The following CDKAL1 variants were observed in gnomAD, a reference collection of about 807,000 sequenced individuals.
CDKAL1 encodes the protein threonylcarbamoyladenosine tRNA methylthiotransferase.
CDKAL1 carries 32 observed loss-of-function variants against 68.2 expected under a neutral mutation model. The ratio of observed to expected loss-of-function variants is 0.47; its 90% CI spans 0.35 to 0.63. CDKAL1 has a LOEUF of 0.63. CDKAL1 is among the 30% of genes least tolerant of loss of function. The pLI is 0.00. For missense variants in CDKAL1, 606 were observed against 696.7 expected, an observed-to-expected ratio of 0.87 and a Z score of 1.47; for synonymous variants, 234 against 244.3, an observed-to-expected ratio of 0.96 and a Z score of 0.39.
At chr6:20,668,481 G>A (rs1367610791) in intron 5 of CDKAL1, among the ~76,000 whole-genome samples, 1 of 152,118 alleles carries the variant, frequency 6.6e-6, no homozygotes, top group East Asian at 1.9e-4. Flanking sequence ...ACAGGCATGT[G>A]CTACTGCGCC....
chr6:21,011,500 T>G (rs1311229459), intron 11 of CDKAL1, among the ~76,000 whole-genome samples: 2 of 152,250 alleles, frequency 1.3e-5, no homozygotes, highest in African/African-American at 4.8e-5. Flanking sequence ...TACTAGTATT[T>G]ATTGGTTATA....
At chr6:20,576,314 T>G (rs974370507) in intron 4 of CDKAL1, among the ~76,000 whole-genome samples, 3 of 152,228 alleles carry the variant, frequency 2.0e-5, no homozygotes, top group African/African-American at 7.2e-5. Flanking sequence ...AGCATGATAG[T>G]GACACCTATC....
chr6:20,546,080 G>A (rs917258702), intron 2 of CDKAL1, among the ~76,000 whole-genome samples: 1 of 152,158 alleles, frequency 6.6e-6, no homozygotes, highest in African/African-American at 2.4e-5. Flanking sequence ...ACTTGACATT[G>A]ATTTGTTGAA....
chr6:21,063,558 G>A (rs987185013), intron 11 of CDKAL1, among the ~76,000 whole-genome samples: 1 of 152,174 alleles, frequency 6.6e-6, no homozygotes. Flanking sequence ...CCGTGAATGA[G>A]AGTAATCAAC....
At chr6:20,990,254 A>T (rs2150794766) in intron 10 of CDKAL1, among the ~76,000 whole-genome samples, 1 of 152,350 alleles carries the variant, frequency 6.6e-6, no homozygotes, top group South Asian at 2.1e-4. Flanking sequence ...AAAATAAAAA[A>T]TAATGAAAAA....
chr6:20,966,652 A>G (rs1030593973), intron 10 of CDKAL1, among the ~76,000 whole-genome samples: 7 of 152,212 alleles, frequency 4.6e-5, no homozygotes, highest in Admixed American at 6.5e-5. Flanking sequence ...TACTATCAAT[A>G]TAACATTGAT....
chr6:20,866,429 A>G (rs925750641), intron 9 of CDKAL1, among the ~76,000 whole-genome samples: 2 of 152,212 alleles, frequency 1.3e-5, no homozygotes, highest in African/African-American at 4.8e-5. Flanking sequence ...TCTGTCAAAT[A>G]TCAAATACAC....
At chr6:20,674,394 G>T (rs905222020) in intron 5 of CDKAL1, among the ~76,000 whole-genome samples, 4 of 152,040 alleles carry the variant, frequency 2.6e-5, no homozygotes, top group Admixed American at 6.5e-5. Flanking sequence ...TATCTATTTT[G>T]TCATGTTAAG....
chr6:20,557,527 T>C (rs1240168980), intron 4 of CDKAL1, among the ~76,000 whole-genome samples: 1 of 152,180 alleles, frequency 6.6e-6, no homozygotes, highest in Non-Finnish European at 1.5e-5. Context: ...CAGATAATTT[T>C]CCAAGCTTTT....
chr6:20,837,726 T>G (rs904183897), intron 8 of CDKAL1, among the ~76,000 whole-genome samples: 9 of 145,972 alleles, frequency 6.2e-5, no homozygotes, highest in African/African-American at 2.2e-4. Context: ...CTAGCATAAA[T>G]TTGGCTTCAC....
At chr6:20,541,003 A>G (rs73386544) in intron 2 of CDKAL1, among the ~76,000 whole-genome samples, 100 of 152,330 alleles carry the variant, frequency 6.6e-4, no homozygotes, top group African/African-American at 2.2e-3. Flanking sequence ...AGATGAGCAG[A>G]GGAGACTGGA....
intron 12 of CDKAL1, among the ~76,000 whole-genome samples, chr6:21,098,076 G>C (rs1295957558): frequency 6.6e-6 from 1 of 152,168 alleles, no homozygotes; most frequent in Non-Finnish European, 1.5e-5. Flanking sequence ...CTTTCTTTCT[G>C]TCTCACTAGT....
Position 21,041,099 on chromosome 6 carries a change from T to C in CDKAL1, c.1056-23949T>C, listed in dbSNP as rs150961954. ...AACAAAATCTATATATGCATACCTT[T>C]TTCTTGCATTTGGTAGGAAGCTGTG... On this transcript the variant is annotated intron_variant, in intron 11 of 15. Coordinates refer to ENST00000274695, the MANE Select transcript of CDKAL1 (RefSeq NM_017774.3). Among the ~76,000 whole-genome samples the C allele has an allele frequency of 3.9e-5, 6 of 152,342 alleles. No individual in the cohort carries two copies. The East Asian group carries it at 7.7e-4, about 20-fold the overall frequency.
chr6:20,840,670 A>T (rs1376084829), intron 8 of CDKAL1, among the ~76,000 whole-genome samples: 1 of 152,158 alleles, frequency 6.6e-6, no homozygotes, highest in Non-Finnish European at 1.5e-5. Context: ...TCATTTTTCC[A>T]TTGCTTGTTG....
At chr6:20,867,381 G>T (rs543660186) in intron 9 of CDKAL1, among the ~76,000 whole-genome samples, 6 of 152,138 alleles carry the variant, frequency 3.9e-5, no homozygotes, top group Non-Finnish European at 1.5e-5. Context: ...CGGTTATTTT[G>T]ATTTTTGGTC....
At chr6:21,110,594 A>G (rs2150994556) in intron 13 of CDKAL1, among the ~76,000 whole-genome samples, 1 of 152,316 alleles carries the variant, frequency 6.6e-6, no homozygotes, top group East Asian at 1.9e-4. Context: ...TTCTGGCGTG[A>G]TCCTTATGAA....
At chr6:20,794,181 T>C (rs1776017928) in intron 8 of CDKAL1, among the ~76,000 whole-genome samples, 1 of 151,990 alleles carries the variant, frequency 6.6e-6, no homozygotes, top group Admixed American at 6.6e-5. Context: ...GCTTTTTCTT[T>C]TGAGCCCACA....
chr6:20,618,958 G>T (rs11966749), intron 4 of CDKAL1, among the ~76,000 whole-genome samples: 42,751 of 152,010 alleles, frequency 0.28, 6,555 homozygotes, highest in East Asian at 0.53. Flanking sequence ...GGATTACAGG[G>T]GTGAGCCATT....
intron 4 of CDKAL1, among the ~76,000 whole-genome samples, chr6:20,578,677 T>C (rs966791159): frequency 6.6e-6 from 1 of 152,202 alleles, no homozygotes; most frequent in Non-Finnish European, 1.5e-5. Context: ...ACACACATTA[T>C]CTTATTTAAT....
Sources: gnomAD v4.1 joint callset for allele counts (sites outside exome capture counted in the v4.1 genomes callset) on GRCh38, gnomAD v4.1.1 for gene constraint, MANE v1.5 for transcripts, NCBI Gene and HGNC (gene_info 2026-07-23, HGNC 2026-07-21) for gene names.